The following LEPROTL1 variants were observed in gnomAD, a reference collection of about 807,000 sequenced individuals.
LEPROTL1 encodes the protein leptin receptor overlapping transcript-like 1.
Under a neutral mutation model 15.4 loss-of-function variants are expected in LEPROTL1, and 6 were observed. The ratio of observed to expected loss-of-function variants is 0.39; its 90% CI spans 0.21 to 0.77. The LOEUF is 0.77. Among genes scored for constraint, LEPROTL1 ranks in the 30% least tolerant of loss-of-function variants. LEPROTL1 has a pLI of 0.41. For synonymous variants in LEPROTL1, 56 were observed against 52.6 expected, an observed-to-expected ratio of 1.06 and a Z score of -0.28; for missense variants, 128 against 158.1, an observed-to-expected ratio of 0.81 and a Z score of 1.02.
At chr8:30,121,093 G>A (rs368792105) in intron 3 of LEPROTL1, among the ~76,000 whole-genome samples, 1 of 152,078 alleles carries the variant, frequency 6.6e-6, no homozygotes, top group Non-Finnish European at 1.5e-5. Context: ...TGGTTGATAA[G>A]CTGTATATTG....
intron 2 of LEPROTL1, among the ~76,000 whole-genome samples, chr8:30,102,215 T>C (rs957455626): frequency 6.6e-6 from 1 of 152,248 alleles, no homozygotes; most frequent in African/African-American, 2.4e-5. Context: ...AGTGGCAAGA[T>C]AGCTACACAG....
chr8:30,132,431 C>T (rs1333407090), exon 4 of LEPROTL1: 10 of 1,551,654 alleles, frequency 6.4e-6, no homozygotes, highest in Admixed American at 2.0e-5. Context: ...TGACCAAGCT[C>T]AGGCCCAAAG....
chr8:30,134,704 C>T (rs957902033), intron 4 of LEPROTL1, among the ~76,000 whole-genome samples: 1 of 151,868 alleles, frequency 6.6e-6, no homozygotes, highest in Non-Finnish European at 1.5e-5. Context: ...CACGCCACCA[C>T]GCCCAGCTAA....
At chr8:30,129,354 A>G (rs1802956558) in intron 3 of LEPROTL1, among the ~76,000 whole-genome samples, 1 of 152,132 alleles carries the variant, frequency 6.6e-6, no homozygotes, top group African/African-American at 2.4e-5. Flanking sequence ...ACTTAGTATT[A>G]TCTTTGCGAA....
At chr8:30,098,424 T>C (rs1802409882) in intron 1 of LEPROTL1, among the ~76,000 whole-genome samples, 1 of 152,232 alleles carries the variant, frequency 6.6e-6, no homozygotes, top group Non-Finnish European at 1.5e-5. Flanking sequence ...CTTAAGGGTC[T>C]GTTTATAGAG....
chr8:30,113,274 A>G (rs1802681884), downstream of LEPROTL1, among the ~76,000 whole-genome samples: 1 of 152,086 alleles, frequency 6.6e-6, no homozygotes, highest in Non-Finnish European at 1.5e-5. Flanking sequence ...AGACTGTCAC[A>G]AAAACAAAAC....
In LEPROTL1 at chr8:30,106,952, C is replaced by T; in HGVS notation, c.*1090C>T. ...GCTATGCCGTACATTCAGAGTGCCC[C>T]CTCCCCTGCAAGGCCTTGCCATGAT... On this transcript the variant is annotated 3_prime_UTR_variant, in exon 4 of 4. Transcript: ENST00000321250. The T allele has an allele frequency of 3.0e-6, 3 of 985,626 alleles. No homozygotes were observed. Among genetic ancestry groups the T allele is most frequent in the Non-Finnish European group, 3.6e-6 (3 of 829,818 alleles). 61.1% of individuals were successfully genotyped at this position (985,626 alleles called of 1,614,324 possible). A position where few individuals can be genotyped will look rare whatever the true frequency, so the allele number is the denominator to read the frequency against.
intron 3 of LEPROTL1, among the ~76,000 whole-genome samples, chr8:30,123,811 T>C (rs1802868755): frequency 6.6e-6 from 1 of 152,178 alleles, no homozygotes; most frequent in Admixed American, 6.5e-5. Context: ...ATGGGAATGA[T>C]GGCATGGGAA....
downstream of LEPROTL1, among the ~76,000 whole-genome samples, chr8:30,110,366 C>T (rs928714967): frequency 6.6e-5 from 10 of 151,590 alleles, no homozygotes; most frequent in African/African-American, 1.5e-4. Context: ...GGCAGTACTC[C>T]GTGTGTGTGT....
At chr8:30,129,126 C>T (rs73576719) in intron 3 of LEPROTL1, among the ~76,000 whole-genome samples, 3,609 of 152,084 alleles carry the variant, frequency 0.024, 147 homozygotes, top group African/African-American at 0.082. Context: ...GTCTCAAACT[C>T]GAGGGATCAA....
At chr8:30,101,505 T>C (rs1255609989) in intron 1 of LEPROTL1, among the ~76,000 whole-genome samples, 2 of 151,874 alleles carry the variant, frequency 1.3e-5, no homozygotes, top group Non-Finnish European at 2.9e-5. Flanking sequence ...CCATCTCTAC[T>C]GAAAATAGAA....
chr8:30,121,196 T>C (rs561704361), intron 3 of LEPROTL1, among the ~76,000 whole-genome samples: 10 of 152,288 alleles, frequency 6.6e-5, no homozygotes, highest in Admixed American at 2.0e-4. Context: ...CATCTACATA[T>C]TGTGTTTTGT....
At position 30,104,371 on chromosome 8, in the gene LEPROTL1, T is replaced by G; in HGVS notation, c.164T>G (p.Leu55Ter). 1 of 1,610,344 alleles carries G rather than the reference T, an allele frequency of 6.2e-7. No individual in the cohort carries two copies. Among genetic ancestry groups the G allele is most frequent in the Non-Finnish European group, 8.5e-7 (1 of 1,177,568 alleles). The change falls in exon 3 of 4, where the codon TTA becomes TGA. Residue 55 changes from leucine (L) to a stop codon, truncating the protein, a stop_gained. Transcript: ENST00000321250. LOFTEE classifies it high-confidence loss of function. Reference sequence around the variant, plus strand: ...ATTCCATACTGCATAGCAAGAAGATTAGTGGATGATACAGATGCTATGAGT... The same window carrying G: ...ATTCCATACTGCATAGCAAGAAGATGAGTGGATGATACAGATGCTATGAGT... ...SPIPYCIARRLVDDTDAMSNA... is the reference protein window; with the variant it reads ...SPIPYCIARR
At chr8:30,110,591 C>T (rs1170644049), downstream of LEPROTL1, among the ~76,000 whole-genome samples, 1 of 151,746 alleles carries the variant, frequency 6.6e-6, no homozygotes, top group Non-Finnish European at 1.5e-5. Flanking sequence ...AAAATTAAGT[C>T]GGGTGTGGTG....
At chr8:30,129,598 G>C (rs1802961592) in intron 3 of LEPROTL1, among the ~76,000 whole-genome samples, 1 of 151,914 alleles carries the variant, frequency 6.6e-6, no homozygotes, top group African/African-American at 2.4e-5. Context: ...CCAGCTACTT[G>C]GAAGGGTGAG....
At chr8:30,098,941 G>C (rs1374646872) in intron 1 of LEPROTL1, among the ~76,000 whole-genome samples, 1 of 152,076 alleles carries the variant, frequency 6.6e-6, no homozygotes, top group African/African-American at 2.4e-5. Context: ...CAGCATACAC[G>C]GGTCTCTGCC....
intron 3 of LEPROTL1, among the ~76,000 whole-genome samples, chr8:30,121,855 T>C (rs762234995): frequency 9.4e-5 from 9 of 95,788 alleles, no homozygotes; most frequent in Non-Finnish European, 1.7e-4. Context: ...ATTTCTTTTT[T>C]GTTTTCTTTT....
At chr8:30,115,811 A>G (rs1007687362) in intron 3 of LEPROTL1, among the ~76,000 whole-genome samples, 2 of 152,118 alleles carry the variant, frequency 1.3e-5, no homozygotes, top group Non-Finnish European at 2.9e-5. Flanking sequence ...AATTTGGCAA[A>G]GATCTATAAA....
chr8:30,111,600 C>T (rs918950047), downstream of LEPROTL1, among the ~76,000 whole-genome samples: 3 of 152,188 alleles, frequency 2.0e-5, no homozygotes, highest in East Asian at 3.8e-4. Context: ...CCAGGTACTA[C>T]TGGAAACAGG....
Sources: gnomAD v4.1 joint callset for allele counts (sites outside exome capture counted in the v4.1 genomes callset) on GRCh38, gnomAD v4.1.1 for gene constraint, MANE v1.5 for transcripts, NCBI Gene and HGNC (gene_info 2026-07-23, HGNC 2026-07-21) for gene names.